The following TMEM135 variants were observed in gnomAD, a reference collection of about 807,000 sequenced individuals.
TMEM135 encodes peroxisomal membrane protein 52.
TMEM135 carries 30 observed loss-of-function variants against 60.3 expected under a neutral mutation model. The ratio of observed to expected loss-of-function variants is 0.50; its 90% CI spans 0.37 to 0.68. The LOEUF (loss-of-function observed/expected upper bound fraction) is 0.68. Among genes scored for constraint, TMEM135 ranks in the 30% least tolerant of loss-of-function variants. The pLI is 0.00. For synonymous variants in TMEM135, 190 were observed against 186.7 expected, an observed-to-expected ratio of 1.02 and a Z score of -0.14; for missense variants, 468 against 548.8, an observed-to-expected ratio of 0.85 and a Z score of 1.47.
intron 5 of TMEM135, among the ~76,000 whole-genome samples, chr11:87,159,611 A>ACACACG (rs1555111996): frequency 1.8e-4 from 26 of 144,484 alleles, no homozygotes; most frequent in South Asian, 4.6e-4. Context: ...ACACACACAC[A>ACACACG]CACACACCAT....
At chr11:87,058,344 A>ATTATTG (rs538181604) in intron 1 of TMEM135, among the ~76,000 whole-genome samples, 3 of 151,674 alleles carry the variant, frequency 2.0e-5, no homozygotes, top group East Asian at 3.9e-4. Context: ...TATTATTATT[A>ATTATTG]TTTTTTTGAC....
At chr11:87,162,129 A>G (rs942422815) in intron 5 of TMEM135, among the ~76,000 whole-genome samples, 1 of 151,810 alleles carries the variant, frequency 6.6e-6, no homozygotes, top group African/African-American at 2.4e-5. Context: ...TAAATAATAA[A>G]GAAATAAATG....
chr11:87,044,383 A>G (rs762109581), intron 1 of TMEM135, among the ~76,000 whole-genome samples: 10 of 152,096 alleles, frequency 6.6e-5, no homozygotes, highest in Non-Finnish European at 1.5e-4. Flanking sequence ...AGTTTTTGGT[A>G]ATAGGCATTT....
At chr11:87,109,014 T>A (rs1177035995) in intron 4 of TMEM135, among the ~76,000 whole-genome samples, 1 of 152,010 alleles carries the variant, frequency 6.6e-6, no homozygotes, top group African/African-American at 2.4e-5. Flanking sequence ...TAATCTATAG[T>A]AATAGAAAGC....
intron 5 of TMEM135, among the ~76,000 whole-genome samples, chr11:87,222,003 G>A (rs1940629714): frequency 6.6e-6 from 1 of 150,958 alleles, no homozygotes. Context: ...CGAGACCATC[G>A]AAACCCCGTC....
chr11:87,053,286 A>G (rs1191792226), intron 1 of TMEM135, among the ~76,000 whole-genome samples: 1 of 78,708 alleles, frequency 1.3e-5, no homozygotes, highest in African/African-American at 1.0e-4. Context: ...CAATTTGTGC[A>G]TAAGCAATAT....
At chr11:87,195,473 C>T (rs1939933435) in intron 5 of TMEM135, among the ~76,000 whole-genome samples, 1 of 151,364 alleles carries the variant, frequency 6.6e-6, no homozygotes, top group Non-Finnish European at 1.5e-5. Context: ...GTTGTCCAGG[C>T]TGGAGTGCAA....
chr11:87,234,148 T>TA (rs1029124455), intron 5 of TMEM135, among the ~76,000 whole-genome samples: 2 of 152,032 alleles, frequency 1.3e-5, no homozygotes, highest in African/African-American at 4.8e-5. Flanking sequence ...GCTTTTCTCT[T>TA]ATAGTGTCTC....
chr11:87,068,149 C>T (rs1244744740), intron 2 of TMEM135, among the ~76,000 whole-genome samples: 1 of 152,170 alleles, frequency 6.6e-6, no homozygotes, highest in African/African-American at 2.4e-5. Flanking sequence ...GAATTCAAAG[C>T]AACTGTCTAT....
At chr11:87,283,966 GTATT>G (rs66558497) in intron 6 of TMEM135, among the ~76,000 whole-genome samples, 48,727 of 151,950 alleles carry the variant, frequency 0.32, 9,354 homozygotes, top group Non-Finnish European at 0.43. Flanking sequence ...AAAACTGAAA[GTATT>G]TGTTTGTCTT....
intron 2 of TMEM135, among the ~76,000 whole-genome samples, chr11:87,069,289 A>G (rs1856729633): frequency 6.6e-6 from 1 of 150,440 alleles, no homozygotes; most frequent in Non-Finnish European, 1.5e-5. Context: ...CGTCTCAAAA[A>G]AAAAAAAAAA....
At chr11:87,060,112 A>T (rs979813634) in intron 1 of TMEM135, among the ~76,000 whole-genome samples, 3 of 151,588 alleles carry the variant, frequency 2.0e-5, no homozygotes, top group Non-Finnish European at 1.5e-5. Flanking sequence ...GACTCTGAAT[A>T]AAAAAAAAGA....
chr11:87,152,531 C>T (rs1938583017), intron 4 of TMEM135, among the ~76,000 whole-genome samples: 1 of 152,214 alleles, frequency 6.6e-6, no homozygotes, highest in Admixed American at 6.5e-5. Context: ...CCTCCACCTC[C>T]TGGTTCAAGC....
Position 87,038,201 on chromosome 11 carries a change from C to A in TMEM135, c.141+15C>A. 2 of 1,613,924 alleles carry A rather than the reference C, an allele frequency of 1.2e-6. No homozygotes were observed. The highest frequency in any genetic ancestry group is 1.7e-6 in the Non-Finnish European group (2 of 1,179,950). Reference sequence around the variant, plus strand: ...CTCTGTACTTGGTGAGACCCGTCACCCGTCCCGCAGGGCGAGTTTAGTCTG... The same window carrying A: ...CTCTGTACTTGGTGAGACCCGTCACACGTCCCGCAGGGCGAGTTTAGTCTG... On this transcript the variant is annotated intron_variant, in intron 1 of 14. Transcript: ENST00000305494.
At chr11:87,293,141 T>G (rs1942294213) in intron 6 of TMEM135, among the ~76,000 whole-genome samples, 2 of 152,168 alleles carry the variant, frequency 1.3e-5, no homozygotes, top group Admixed American at 6.5e-5. Flanking sequence ...AGATTATGGG[T>G]TTTTAAATTA....
intron 5 of TMEM135, among the ~76,000 whole-genome samples, chr11:87,169,328 A>G (rs2135286097): frequency 1.3e-5 from 2 of 150,004 alleles, no homozygotes; most frequent in East Asian, 2.0e-4. Flanking sequence ...TTATGTGTGA[A>G]TTTGATCCTG....
intron 6 of TMEM135, among the ~76,000 whole-genome samples, chr11:87,238,412 C>G (rs973091288): frequency 6.6e-6 from 1 of 151,904 alleles, no homozygotes; most frequent in Non-Finnish European, 1.5e-5. Flanking sequence ...ACATAGATGA[C>G]GAGTCAAGGT....
At chr11:87,249,305 T>A (rs1400695831) in intron 6 of TMEM135, among the ~76,000 whole-genome samples, 1 of 152,174 alleles carries the variant, frequency 6.6e-6, no homozygotes. Context: ...CATGAAAAGA[T>A]GTTGAATTTT....
chr11:87,248,646 A>G (rs778679376), intron 6 of TMEM135, among the ~76,000 whole-genome samples: 7 of 150,736 alleles, frequency 4.6e-5, no homozygotes, highest in Admixed American at 1.3e-4. Context: ...TTCTATTTCT[A>G]TGAAGACTGT....
Sources: allele counts gnomAD v4.1 joint callset (sites outside exome capture counted in the v4.1 genomes callset), GRCh38; gene constraint gnomAD v4.1.1; transcripts MANE v1.5; gene names NCBI Gene and HGNC (gene_info 2026-07-23, HGNC 2026-07-21).